TNR: variants seen among roughly 807,000 people sequenced by gnomAD.
TNR encodes the protein tenascin R, also known as tenascin-R.
A neutral mutation model predicts 150.4 loss-of-function variants in TNR; 45 were observed. The ratio of observed to expected loss-of-function variants is 0.30; its 90% CI spans 0.24 to 0.38. The LOEUF (loss-of-function observed/expected upper bound fraction) is 0.38. Among genes scored for constraint, TNR ranks in the 10% least tolerant of loss-of-function variants. The pLI is 1.00. For synonymous variants in TNR, 687 were observed against 678.4 expected, an observed-to-expected ratio of 1.01 and a Z score of -0.20; for missense variants, 1,544 against 1,759.1, an observed-to-expected ratio of 0.88 and a Z score of 2.19.
chr1:175,657,827 G>A (rs1665229269), intron 1 of TNR, among the ~76,000 whole-genome samples: 2 of 127,696 alleles, frequency 1.6e-5, no homozygotes, highest in South Asian at 5.5e-4. Flanking sequence ...ACGAGTTAAT[G>A]GGTGCAGCAC....
chr1:175,406,464 T>C lies in TNR; in HGVS notation c.251A>G (p.Glu84Gly). The change falls in exon 3 of 23, where the codon GAG (glutamate) becomes GGG (glycine). Residue 84 changes from glutamate to glycine, a missense_variant. This residue lies in a region of TNR where 1,254 missense variants were observed against 1,329.4 expected (regional missense o/e 0.94). Transcript: ENST00000367674. ...PLDNLCSSGL[E>G]ASAEQEVSAE... ...ACTCACCTCCTGCTCAGCAGAGGCC[T>C]CTAGCCCTGAGGAGCAGAGGTTGTC... The C allele has an allele frequency of 2.5e-6, 4 of 1,614,202 alleles. No homozygotes were observed. The highest frequency in any genetic ancestry group is 2.5e-6 in the Non-Finnish European group (3 of 1,180,038).
At position 175,407,238 on chromosome 1, in the gene TNR, G is replaced by T. The variant is rs146851004; in HGVS notation, c.-63-461C>A. Among the ~76,000 whole-genome samples, 3 of 152,248 alleles carry T rather than the reference G, an allele frequency of 2.0e-5. No individual in the cohort carries two copies. The East Asian group carries it at 5.8e-4, about 29-fold the overall frequency. ...CAGCCACTTCAAAATAACTTCATGA[G>T]CTCCTCTCAGCTCATCTATCCATAC... On this transcript the variant is annotated intron_variant, in intron 2 of 22. Transcript: ENST00000367674.
intron 1 of TNR, among the ~76,000 whole-genome samples, chr1:175,651,245 A>C (rs1034875497): frequency 4.8e-5 from 7 of 146,744 alleles, no homozygotes; most frequent in African/African-American, 1.7e-4. Context: ...CCAGCATTAC[A>C]CTCACAGAGA....
chr1:175,651,501 A>G (rs1664995879), intron 1 of TNR, among the ~76,000 whole-genome samples: 2 of 152,168 alleles, frequency 1.3e-5, no homozygotes. Flanking sequence ...GTTTTAATAA[A>G]CTGGAAAAAA....
chr1:175,419,642 C>T (rs893257014), intron 2 of TNR, among the ~76,000 whole-genome samples: 24 of 152,124 alleles, frequency 1.6e-4, no homozygotes, highest in East Asian at 5.8e-4. Context: ...CCACCACGCC[C>T]GGCTAATTTT....
chr1:175,354,020 A>G (rs1207054027), intron 18 of TNR, among the ~76,000 whole-genome samples: 1 of 151,800 alleles, frequency 6.6e-6, no homozygotes, highest in East Asian at 1.9e-4. Context: ...TAATTTTTGT[A>G]TTTTCAGTAG....
chr1:175,368,866 T>C (rs1241427673), intron 9 of TNR, among the ~76,000 whole-genome samples: 1 of 152,140 alleles, frequency 6.6e-6, no homozygotes, highest in African/African-American at 2.4e-5. Flanking sequence ...GGAGAATCGC[T>C]TGAACCTGGG....
chr1:175,653,364 C>A (rs998152363), intron 1 of TNR, among the ~76,000 whole-genome samples: 1 of 152,124 alleles, frequency 6.6e-6, no homozygotes, highest in Non-Finnish European at 1.5e-5. Context: ...AACAACGTGG[C>A]AGTAAATGAT....
chr1:175,392,790 G>A (rs574157442), intron 6 of TNR, among the ~76,000 whole-genome samples: 2 of 152,260 alleles, frequency 1.3e-5, no homozygotes, highest in African/African-American at 2.4e-5. Context: ...CCAACTAGCT[G>A]TATGATGTCC....
chr1:175,663,659 CACTA>C (rs143379725), intron 1 of TNR, among the ~76,000 whole-genome samples: 5,120 of 152,242 alleles, frequency 0.034, 226 homozygotes, highest in African/African-American at 0.1. Context: ...GGAAGTCCTA[CACTA>C]ACTACTCTGT....
intron 2 of TNR, among the ~76,000 whole-genome samples, chr1:175,451,818 C>T (rs1296429772): frequency 1.3e-5 from 2 of 152,202 alleles, no homozygotes; most frequent in Non-Finnish European, 2.9e-5. Context: ...GAGACACAGA[C>T]TAATGCGTTC....
At position 175,366,974 on chromosome 1, in the gene TNR, C is replaced by T. The variant is rs76575888; in HGVS notation, c.2053+234G>A. ...CTCTGTACAGCCCTGAGCAGCTCTT[C>T]AGACCACGGGGGACCGAGCACAGGT... On this transcript the variant is annotated intron_variant, in intron 10 of 22. Transcript: ENST00000367674. Among the ~76,000 whole-genome samples, 570 of 152,324 alleles carry T rather than the reference C, an allele frequency of 3.7e-3. 7 individuals carry two copies. Among genetic ancestry groups the T allele is most frequent in the African/African-American group, 0.013 (545 of 41,566 alleles).
chr1:175,652,615 G>T (rs1299901423), intron 1 of TNR, among the ~76,000 whole-genome samples: 4 of 152,094 alleles, frequency 2.6e-5, no homozygotes, highest in African/African-American at 9.7e-5. Flanking sequence ...ATGAGATCTG[G>T]TGGTTTAAAA....
chr1:175,391,022 G>A (rs1277069917), intron 7 of TNR, among the ~76,000 whole-genome samples: 11 of 152,180 alleles, frequency 7.2e-5, no homozygotes, highest in Non-Finnish European at 1.5e-5. Context: ...TCATGAGTAA[G>A]ATCAGCATAA....
intron 1 of TNR, among the ~76,000 whole-genome samples, chr1:175,598,792 G>A (rs1169690509): frequency 1.3e-5 from 2 of 152,182 alleles, no homozygotes; most frequent in Non-Finnish European, 2.9e-5. Flanking sequence ...CAAGGTCTAG[G>A]TAAGACTCCA....
Position 175,406,232 on chromosome 1 carries a change from T to A in TNR, c.483A>T (p.Gln161His), listed in dbSNP as rs757882713. Residue 161 changes from glutamine to histidine, a missense_variant, in exon 3 of 23, where the codon CAA becomes CAT. Coordinates refer to ENST00000367674, the MANE Select transcript of TNR (RefSeq NM_003285.3). ...LRDQCNANCC[Q>H]ESAATGQLDY... Reference sequence around the variant, plus strand: ...GGACTCTACCTGTGGCAGCACTTTCTTGGCAGCAGTTGGCGTTGCACTGGT... The same window carrying A: ...GGACTCTACCTGTGGCAGCACTTTCATGGCAGCAGTTGGCGTTGCACTGGT... 1.2e-6 allele frequency: 2 copies of A among 1,613,996 alleles called. No individual in the cohort carries two copies. The highest frequency in any genetic ancestry group is 1.7e-6 in the Non-Finnish European group (2 of 1,179,928).
chr1:175,393,176 A>G (rs947285503), intron 6 of TNR, among the ~76,000 whole-genome samples: 1 of 152,232 alleles, frequency 6.6e-6, no homozygotes, highest in Admixed American at 6.5e-5. Context: ...AAGAAAATAA[A>G]TAAAATACTG....
intron 1 of TNR, among the ~76,000 whole-genome samples, chr1:175,647,367 A>G (rs1324562919): frequency 6.6e-6 from 1 of 151,016 alleles, no homozygotes; most frequent in Non-Finnish European, 1.5e-5. Flanking sequence ...ATTCTTTAAG[A>G]GCCTTTCTTT....
At chr1:175,666,982 G>A (rs1665549549) in intron 1 of TNR, among the ~76,000 whole-genome samples, 1 of 152,064 alleles carries the variant, frequency 6.6e-6, no homozygotes, top group African/African-American at 2.4e-5. Flanking sequence ...TGAACTCCTG[G>A]CCTCAAGCGA....
Sources: allele counts gnomAD v4.1 joint callset (sites outside exome capture counted in the v4.1 genomes callset), GRCh38; gene constraint gnomAD v4.1.1; regional missense constraint gnomAD v4.1.1; transcripts MANE v1.5; gene names NCBI Gene and HGNC (gene_info 2026-07-23, HGNC 2026-07-21).